The following LNX1 variants were observed in gnomAD, a reference collection of about 807,000 sequenced individuals.
LNX1 encodes E3 ubiquitin-protein ligase LNX.
A neutral mutation model predicts 68.4 loss-of-function variants in LNX1; 54 were observed. The observed-to-expected ratio is 0.79, with a 90% CI of 0.63 to 0.99. LNX1 has a LOEUF of 0.99. LNX1 is among the 50% of genes least tolerant of loss of function. LNX1 has a pLI of 0.00. For synonymous variants in LNX1, 336 were observed against 350.0 expected (o/e 0.96, Z 0.45); for missense variants, 906 against 926.4 (o/e 0.98, Z 0.29).
At chr4:53,511,195 T>G (rs1314359710) in intron 2 of LNX1, among the ~76,000 whole-genome samples, 1 of 152,216 alleles carries the variant, frequency 6.6e-6, no homozygotes, top group Non-Finnish European at 1.5e-5. Flanking sequence ...TAATGTTAGC[T>G]TTCTCCAGTC....
At chr4:53,607,110 C>T (rs1348699156) in intron 2 of LNX1, among the ~76,000 whole-genome samples, 1 of 152,124 alleles carries the variant, frequency 6.6e-6, no homozygotes, top group Non-Finnish European at 1.5e-5. Context: ...CTGGCTAGAG[C>T]AGTCAGGCAA....
In LNX1 at chr4:53,460,935, A is replaced by ATAGTT. The variant is rs1560602568; in HGVS notation, c.2154_2158dup (p.Ile720LysfsTer30). ...TAAAAAAGTGCCAGGCCAAGAAACA[A>ATAGTT]TAGTTAGAGTAATTCTTCCTTTAAG... On this transcript the variant is annotated frameshift_variant, in exon 11 of 11. Transcript: ENST00000263925. LOFTEE classifies it high-confidence loss of function. 1.9e-6 allele frequency: 3 copies of ATAGTT among 1,610,752 alleles called. No homozygotes were observed. The highest frequency in any genetic ancestry group is 8.5e-7 in the Non-Finnish European group (1 of 1,178,696).
chr4:53,545,474 G>A (rs1422571355), intron 2 of LNX1, among the ~76,000 whole-genome samples: 1 of 152,154 alleles, frequency 6.6e-6, no homozygotes, highest in Non-Finnish European at 1.5e-5. Flanking sequence ...AGGCTGGCTG[G>A]ATTACCTAGG....
intron 2 of LNX1, among the ~76,000 whole-genome samples, chr4:53,605,749 G>A (rs2109841092): frequency 6.6e-6 from 1 of 152,218 alleles, no homozygotes; most frequent in African/African-American, 2.4e-5. Flanking sequence ...TCACAAATGA[G>A]AGGATCTCCT....
chr4:53,620,099 C>T (rs2253608), upstream of LNX1, among the ~76,000 whole-genome samples: 1,001 of 152,242 alleles, frequency 6.6e-3, 8 homozygotes, highest in Non-Finnish European at 0.011. Flanking sequence ...CCTGTCTGTG[C>T]CAGCAGCAAG....
At chr4:53,555,021 G>C (rs1729803574) in intron 2 of LNX1, among the ~76,000 whole-genome samples, 1 of 152,122 alleles carries the variant, frequency 6.6e-6, no homozygotes, top group Non-Finnish European at 1.5e-5. Flanking sequence ...AAATCCAGGA[G>C]GGTCTGTGCA....
intron 7 of LNX1, among the ~76,000 whole-genome samples, chr4:53,479,962 C>G (rs1445473942): frequency 6.6e-6 from 1 of 152,222 alleles, no homozygotes; most frequent in East Asian, 1.9e-4. Flanking sequence ...GCCTTGCCTC[C>G]CCACAGAGGT....
intron 9 of LNX1, among the ~76,000 whole-genome samples, chr4:53,465,034 A>C (rs554300319): frequency 1.4e-4 from 22 of 152,256 alleles, no homozygotes; most frequent in African/African-American, 5.1e-4. Context: ...AATTGTTATC[A>C]AGTTACATCC....
At chr4:53,551,636 G>T (rs971014019) in intron 2 of LNX1, among the ~76,000 whole-genome samples, 2 of 152,108 alleles carry the variant, frequency 1.3e-5, no homozygotes, top group African/African-American at 4.8e-5. Flanking sequence ...AAGAATCAGG[G>T]GAGAAGAGAT....
At chr4:53,588,838 G>A (rs1185335810) in intron 1 of LNX1, among the ~76,000 whole-genome samples, 2 of 152,078 alleles carry the variant, frequency 1.3e-5, no homozygotes, top group African/African-American at 2.4e-5. Context: ...TCCCTGAAGG[G>A]CGAGACCCAG....
intron 8 of LNX1, 143 bp from the exon 9 acceptor site, chr4:53,477,124 C>G (rs577908409): frequency 2.5e-5 from 18 of 729,568 alleles, no homozygotes; most frequent in Admixed American, 4.5e-5. Flanking sequence ...AGGCTGGGTG[C>G]TCACATAGCA....
At chr4:53,611,437 A>G (rs567088914) in intron 2 of LNX1, among the ~76,000 whole-genome samples, 1 of 152,324 alleles carries the variant, frequency 6.6e-6, no homozygotes, top group East Asian at 1.9e-4. Flanking sequence ...AAAAATCACA[A>G]CAAAGTGGGT....
At chr4:53,534,402 G>C (rs1433461742) in intron 2 of LNX1, among the ~76,000 whole-genome samples, 1 of 73,292 alleles carries the variant, frequency 1.4e-5, no homozygotes, top group Non-Finnish European at 3.1e-5. Context: ...ACTTTGGAAG[G>C]CTGAGGCAGG....
At chr4:53,557,726 T>G in intron 2 of LNX1, 1 of 879,874 alleles carries the variant, frequency 1.1e-6, no homozygotes, top group Non-Finnish European at 1.7e-6. Flanking sequence ...AAGCATGCCG[T>G]TTTAAACTGC....
intron 1 of LNX1, among the ~76,000 whole-genome samples, chr4:53,636,622 T>C (rs1481589700): frequency 6.6e-6 from 1 of 152,200 alleles, no homozygotes; most frequent in African/African-American, 2.4e-5. Context: ...AGCAGCCTGA[T>C]AGACCCTGGG....
intron 2 of LNX1, among the ~76,000 whole-genome samples, chr4:53,560,297 G>A (rs535394005): frequency 6.6e-6 from 1 of 152,284 alleles, no homozygotes; most frequent in African/African-American, 2.4e-5. Flanking sequence ...ATTAAAAAAG[G>A]ATGACTGCCC....
intron 1 of LNX1, among the ~76,000 whole-genome samples, chr4:53,639,254 T>A (rs1263299165): frequency 6.6e-6 from 1 of 152,190 alleles, no homozygotes; most frequent in Non-Finnish European, 1.5e-5. Context: ...TACTGCATGT[T>A]CTCACTTGTA....
intron 1 of LNX1, among the ~76,000 whole-genome samples, chr4:53,630,576 C>T (rs1265395007): frequency 6.6e-6 from 1 of 152,078 alleles, no homozygotes; most frequent in African/African-American, 2.4e-5. Flanking sequence ...TTCCTAAGTG[C>T]AAGAAGGCTG....
intron 2 of LNX1, among the ~76,000 whole-genome samples, chr4:53,536,939 C>G (rs1020461371): frequency 4.6e-5 from 7 of 152,178 alleles, no homozygotes; most frequent in Admixed American, 2.0e-4. Context: ...CTGTTTTTAG[C>G]AAAATCCAAA....
Sources: gnomAD v4.1 joint callset for allele counts (sites outside exome capture counted in the v4.1 genomes callset) on GRCh38, gnomAD v4.1.1 for gene constraint, MANE v1.5 for transcripts, NCBI Gene and HGNC (gene_info 2026-07-23, HGNC 2026-07-21) for gene names.